PSD3: variants seen among roughly 807,000 people sequenced by gnomAD.
PSD3 encodes the protein PH and SEC7 domain-containing protein 3.
A neutral mutation model predicts 105.5 loss-of-function variants in PSD3; 49 were observed. That is an observed-to-expected ratio of 0.46 (90% CI 0.37 to 0.59). The LOEUF (loss-of-function observed/expected upper bound fraction) is 0.59, where lower values mean the gene tolerates loss of function less well. Ranked by LOEUF, PSD3 falls within the 20% of genes least tolerant of loss-of-function variation. PSD3 has a pLI of 0.00. For synonymous variants in PSD3, 557 were observed against 457.8 expected, an observed-to-expected ratio of 1.22 and a Z score of -2.77; for missense variants, 1,561 against 1,263.8, an observed-to-expected ratio of 1.24 and a Z score of -3.57.
At chr8:18,753,251 G>C (rs1196384584) in intron 9 of PSD3, among the ~76,000 whole-genome samples, 1 of 151,888 alleles carries the variant, frequency 6.6e-6, no homozygotes, top group Admixed American at 6.6e-5. Flanking sequence ...CTACTCAGGA[G>C]GTTAAGGCAG....
intron 11 of PSD3, among the ~76,000 whole-genome samples, chr8:18,614,347 C>A (rs546191110): frequency 2.0e-5 from 3 of 150,772 alleles, no homozygotes; most frequent in Admixed American, 2.0e-4. Context: ...CCATCCCCCC[C>A]CCAAAAAAAT....
At chr8:18,773,761 T>A (rs545683899) in intron 8 of PSD3, among the ~76,000 whole-genome samples, 4 of 152,292 alleles carry the variant, frequency 2.6e-5, no homozygotes, top group African/African-American at 9.6e-5. Context: ...ATTTCAGGAT[T>A]TGTCTGTCCA....
intron 11 of PSD3, among the ~76,000 whole-genome samples, chr8:18,617,628 T>A (rs1014866900): frequency 1.3e-5 from 2 of 152,144 alleles, no homozygotes; most frequent in African/African-American, 4.8e-5. Context: ...ACCCTACTCT[T>A]GGTGAAGGGG....
At chr8:18,570,615 C>G (rs890601042) in intron 14 of PSD3, among the ~76,000 whole-genome samples, 114 of 145,232 alleles carry the variant, frequency 7.8e-4, no homozygotes, top group Non-Finnish European at 1.2e-3. Context: ...TGAATTCAAA[C>G]AAATTTACAA....
chr8:18,976,002 C>T (rs7825454), intron 1 of PSD3, among the ~76,000 whole-genome samples: 46,131 of 151,990 alleles, frequency 0.3, 7,491 homozygotes, highest in Non-Finnish European at 0.37. Flanking sequence ...CCACCATTTA[C>T]ACTTCTAAGA....
At chr8:18,577,727 A>C (rs1414707808) in intron 12 of PSD3, among the ~76,000 whole-genome samples, 1 of 152,054 alleles carries the variant, frequency 6.6e-6, no homozygotes, top group Non-Finnish European at 1.5e-5. Flanking sequence ...ACTTTGAAAA[A>C]TGTTTTGTTC....
intron 14 of PSD3, among the ~76,000 whole-genome samples, chr8:18,570,624 A>C (rs1227898941): frequency 1.4e-5 from 2 of 146,790 alleles, no homozygotes; most frequent in Non-Finnish European, 3.0e-5. Flanking sequence ...ACAAATTTAC[A>C]AGAAAAAAAC....
At chr8:18,619,043 G>A (rs949121908) in intron 11 of PSD3, among the ~76,000 whole-genome samples, 13 of 151,950 alleles carry the variant, frequency 8.6e-5, no homozygotes, top group African/African-American at 2.9e-4. Context: ...TACTGCTTGA[G>A]CTCAAAGTGT....
At chr8:19,023,853 T>C (rs1391781464) in intron 1 of PSD3, among the ~76,000 whole-genome samples, 2 of 152,188 alleles carry the variant, frequency 1.3e-5, no homozygotes, top group Non-Finnish European at 2.9e-5. Flanking sequence ...CAAATGAAAG[T>C]TTGGTCCCAA....
intron 3 of PSD3, among the ~76,000 whole-genome samples, chr8:18,870,451 C>T (rs1421622982): frequency 6.6e-6 from 1 of 151,940 alleles, no homozygotes; most frequent in Admixed American, 6.6e-5. Context: ...TCATAAAGGC[C>T]ATAAATCTCA....
rs568902247 is a variant in PSD3 at position 18,631,550 on chromosome 8, G to C, written c.2410+1063C>G. On this transcript the variant is annotated intron_variant, in intron 11 of 15. Transcript: ENST00000327040. ...AATCATGCAGAGATAGAAATGGAGAGTACGTCCTGGTGACAATCCATCTTC... is the reference window on the plus strand; with the variant it reads ...AATCATGCAGAGATAGAAATGGAGACTACGTCCTGGTGACAATCCATCTTC... 5.6e-4 allele frequency among the ~76,000 whole-genome samples: 85 copies of C among 152,036 alleles called. 1 individual carries two copies. The highest frequency in any genetic ancestry group is 2.3e-3 in the Admixed American group (35 of 15,240).
rs758984379 is a variant in PSD3 at position 19,013,543 on chromosome 8, G to T, written c.21+20C>A. On this transcript the variant is annotated intron_variant, in intron 1 of 15. Coordinates refer to ENST00000327040, the MANE Select transcript of PSD3 (RefSeq NM_015310.4). ...CGCCGCGTGCGCACCCCGCGCCCGC[G>T]CCCCGGCCCCGGAGCTCACCGCTGC... 15 of 1,570,516 alleles carry T rather than the reference G, an allele frequency of 9.6e-6. No individual in the cohort carries two copies. The highest frequency in any genetic ancestry group is 1.3e-5 in the Non-Finnish European group (15 of 1,166,828).
intron 9 of PSD3, among the ~76,000 whole-genome samples, chr8:18,736,752 G>A (rs1804179268): frequency 6.6e-6 from 1 of 152,206 alleles, no homozygotes; most frequent in Non-Finnish European, 1.5e-5. Flanking sequence ...TAACTTTGCT[G>A]AATCATAGAA....
intron 1 of PSD3, among the ~76,000 whole-genome samples, chr8:19,011,062 G>C (rs34953819): frequency 0.28 from 41,989 of 151,460 alleles, 6,907 homozygotes; most frequent in East Asian, 0.45. Flanking sequence ...CTTCAATCAT[G>C]TCTGAATTCC....
chr8:18,802,907 C>A (rs992845486), intron 6 of PSD3, among the ~76,000 whole-genome samples: 4 of 152,176 alleles, frequency 2.6e-5, no homozygotes, highest in Non-Finnish European at 1.5e-5. Context: ...GATATTGTTG[C>A]AAACAGTTTT....
chr8:19,001,704 A>T (rs1274841161), intron 1 of PSD3: 1 of 152,506 alleles, frequency 6.6e-6, no homozygotes, highest in Non-Finnish European at 1.5e-5. Flanking sequence ...TCTCAAGGAA[A>T]GCTCCAGCCT....
intron 9 of PSD3, among the ~76,000 whole-genome samples, chr8:18,700,420 A>T (rs1463217999): frequency 6.6e-6 from 1 of 152,240 alleles, no homozygotes; most frequent in African/African-American, 2.4e-5. Context: ...TTAAGGATCA[A>T]GCTCTTAAAG....
intron 4 of PSD3, among the ~76,000 whole-genome samples, chr8:18,855,275 A>T (rs775572463): frequency 5.5e-4 from 84 of 152,224 alleles, no homozygotes; most frequent in Non-Finnish European, 7.8e-4. Context: ...CCAGAAAATG[A>T]TTATACTTAC....
intron 9 of PSD3, among the ~76,000 whole-genome samples, chr8:18,716,944 G>A (rs62495834): frequency 0.02 from 2,978 of 152,246 alleles, 50 homozygotes; most frequent in African/African-American, 0.046. Flanking sequence ...AAGGTAGCAG[G>A]CCCAAGCCTG....
Sources: gnomAD v4.1 joint callset for allele counts (sites outside exome capture counted in the v4.1 genomes callset) on GRCh38, gnomAD v4.1.1 for gene constraint, MANE v1.5 for transcripts, NCBI Gene and HGNC (gene_info 2026-07-23, HGNC 2026-07-21) for gene names.